TDRD9: variants seen among roughly 807,000 people sequenced by gnomAD.
The protein encoded by TDRD9 is tudor domain containing 9.
In TDRD9, 124 loss-of-function variants were observed where a neutral mutation model predicts 172.6. That is an observed-to-expected ratio of 0.72 (90% CI 0.62 to 0.83). TDRD9 has a LOEUF of 0.83. Among genes scored for constraint, TDRD9 ranks in the 40% least tolerant of loss-of-function variants. The pLI, the probability that TDRD9 is intolerant of heterozygous loss-of-function variation, is 0.00. For missense variants in TDRD9, 1,479 were observed against 1,714.1 expected (o/e 0.86, Z 2.42); for synonymous variants, 619 against 617.1 (o/e 1.00, Z -0.05).
intron 20 of TDRD9, among the ~76,000 whole-genome samples, chr14:104,010,388 G>A (rs4906402): frequency 0.38 from 57,238 of 151,816 alleles, 11,004 homozygotes; most frequent in African/African-American, 0.43. Flanking sequence ...TAGCCTAGGC[G>A]TACACAGAGT....
intron 1 of TDRD9, among the ~76,000 whole-genome samples, chr14:103,943,710 T>C (rs2031400539): frequency 6.6e-6 from 1 of 152,188 alleles, no homozygotes; most frequent in East Asian, 1.9e-4. Context: ...AAAAGGTCTT[T>C]TACTCCCCAG....
intron 30 of TDRD9, among the ~76,000 whole-genome samples, chr14:104,033,592 C>T (rs2035351762): frequency 6.6e-6 from 1 of 152,172 alleles, no homozygotes; most frequent in Non-Finnish European, 1.5e-5. Flanking sequence ...GTGGACCACA[C>T]TCAGTTCCCT....
At chr14:104,022,453 T>C (rs190519256) in intron 24 of TDRD9, 123 bp downstream of exon 24, 5 of 1,046,918 alleles carry the variant, frequency 4.8e-6, no homozygotes, top group Admixed American at 5.7e-5. Context: ...CTTGGCTGGG[T>C]GTGGGGGCTC....
chr14:104,002,149 A>G (rs1479417064), intron 13 of TDRD9, among the ~76,000 whole-genome samples: 3 of 151,228 alleles, frequency 2.0e-5, no homozygotes, highest in Admixed American at 6.6e-5. Flanking sequence ...GCAAAACCCT[A>G]TCTCTATAAA....
intron 8 of TDRD9, among the ~76,000 whole-genome samples, chr14:103,988,905 G>A (rs1012705124): frequency 2.0e-5 from 3 of 151,680 alleles, no homozygotes; most frequent in African/African-American, 7.3e-5. Context: ...AAGGAAGGAG[G>A]CAAAATATGT....
intron 12 of TDRD9, among the ~76,000 whole-genome samples, chr14:103,996,205 T>C (rs1364485461): frequency 6.6e-6 from 1 of 152,236 alleles, no homozygotes; most frequent in African/African-American, 2.4e-5. Flanking sequence ...CATCTCATCT[T>C]CCACATATGT....
In TDRD9 at chr14:103,970,555, A is replaced by T; in HGVS notation, c.780A>T (p.Thr260=). 1 of 1,551,686 alleles carries T rather than the reference A, an allele frequency of 6.4e-7. No individual in the cohort carries two copies. ...HIIIDEVHER[T]EEMDFLLLVV... is the part of the protein sequence containing the mutation. Reference sequence around the variant, plus strand: ...TTATTTTGTAGGTACACGAACGAACAGAAGAAATGGATTTCCTGCTATTGG... The same window carrying T: ...TTATTTTGTAGGTACACGAACGAACTGAAGAAATGGATTTCCTGCTATTGG... The change falls in exon 6 of 36, where the codon ACA becomes ACT. Residue 260 remains threonine (T), a synonymous_variant. Transcript: ENST00000409874.
intron 18 of TDRD9, 64 bp downstream of exon 18, chr14:104,006,909 C>A: frequency 7.3e-7 from 1 of 1,372,722 alleles, no homozygotes; most frequent in Non-Finnish European, 1.0e-6. Context: ...ATTTTCATAC[C>A]ACAAACATAT....
chr14:103,998,803 T>TC (rs1327574421), intron 13 of TDRD9, 75 bp downstream of exon 13: 1 of 792,666 alleles, frequency 1.3e-6, no homozygotes, highest in African/African-American at 1.7e-5. Flanking sequence ...TTTTTTTTTT[T>TC]TTTCTCTGAG....
chr14:104,034,923 G>C, intron 31 of TDRD9, 37 bp from the exon 32 acceptor site: 1 of 1,509,938 alleles, frequency 6.6e-7, no homozygotes, highest in South Asian at 1.2e-5. Context: ...AGCAGCGTGA[G>C]TTAATGCCCG....
intron 1 of TDRD9, among the ~76,000 whole-genome samples, chr14:103,939,069 C>G (rs1433282893): frequency 6.6e-6 from 1 of 151,984 alleles, no homozygotes; most frequent in East Asian, 1.9e-4. Flanking sequence ...CCTGAACTGT[C>G]CATAGCTGCT....
At chr14:104,051,174 T>C (rs2035926896) in intron 35 of TDRD9, among the ~76,000 whole-genome samples, 1 of 152,204 alleles carries the variant, frequency 6.6e-6, no homozygotes, top group Non-Finnish European at 1.5e-5. Context: ...CCATGAGTAC[T>C]CAATGTTTAG....
At chr14:104,019,694 A>G (rs1054630776) in intron 23 of TDRD9, among the ~76,000 whole-genome samples, 1 of 152,196 alleles carries the variant, frequency 6.6e-6, no homozygotes, top group Non-Finnish European at 1.5e-5. Context: ...AGACTCTGTG[A>G]GGTGCCAAGG....
At position 103,999,779 on chromosome 14, in the gene TDRD9, A is replaced by ATTTAATCT. The variant is rs144230010; in HGVS notation, c.1483+1053_1483+1060dup. On this transcript the variant is annotated intron_variant, in intron 13 of 35. Transcript: ENST00000409874. ...CATTCTTCTAAGTATTTATTAACTC[A>ATTTAATCT]TTTAATCTTCCTAACAACCCTGTGA... is the stretch of plus-strand genomic sequence containing the variant. Among the ~76,000 whole-genome samples, 634 of 102,638 alleles carry ATTTAATCT rather than the reference A, an allele frequency of 6.2e-3. 145 individuals carry two copies. The highest frequency in any genetic ancestry group is 7.1e-3 in the Admixed American group (76 of 10,652). The allele number at this position is 102,638 out of a possible 152,430, so 67.3% of individuals were successfully genotyped here. A position where few individuals can be genotyped will look rare whatever the true frequency, so the allele number is the denominator to read the frequency against.
At chr14:104,019,890 G>A (rs997247113) in intron 23 of TDRD9, among the ~76,000 whole-genome samples, 1 of 152,202 alleles carries the variant, frequency 6.6e-6, no homozygotes. Context: ...TATTAGAGCA[G>A]TAACATTAAT....
In TDRD9 at chr14:103,980,191, CAA is replaced by C. The variant is rs1187214966; in HGVS notation, c.1011+4640_1011+4641del. ...AGATTGTAGAAATAAAGACACAAGACAAAGAGATAAAAGAAAAGACAGCTGGG... is the reference window on the plus strand; with the variant it reads ...AGATTGTAGAAATAAAGACACAAGACAGAGATAAAAGAAAAGACAGCTGGG... On this transcript the variant is annotated intron_variant, in intron 7 of 35. Coordinates refer to ENST00000409874, the MANE Select transcript of TDRD9 (RefSeq NM_153046.3). This position sits in a 1 kb window ranked among gnomAD's most constrained non-coding sequence, Gnocchi z 4.5. 6.6e-6 allele frequency among the ~76,000 whole-genome samples: 1 copy of C among 152,116 alleles called. No individual in the cohort carries two copies. Among genetic ancestry groups the C allele is most frequent in the Non-Finnish European group, 1.5e-5 (1 of 68,012 alleles).
At chr14:103,995,993 G>C (rs912423046) in intron 12 of TDRD9, among the ~76,000 whole-genome samples, 186 bp downstream of exon 12, 2 of 152,194 alleles carry the variant, frequency 1.3e-5, no homozygotes, top group African/African-American at 4.8e-5. Context: ...TCCTCTGAGT[G>C]TACCTGTTTC....
intron 20 of TDRD9, among the ~76,000 whole-genome samples, chr14:104,011,263 C>T (rs1003965066): frequency 2.0e-5 from 3 of 152,208 alleles, no homozygotes; most frequent in South Asian, 2.1e-4. Context: ...AAACATTGCT[C>T]GGTTCTGATT....
At chr14:104,017,912 CTTAG>C (rs1823672746) in intron 22 of TDRD9, among the ~76,000 whole-genome samples, 176 bp from the exon 23 acceptor site, 1 of 152,144 alleles carries the variant, frequency 6.6e-6, no homozygotes, top group African/African-American at 2.4e-5. Flanking sequence ...TATTATAGAA[CTTAG>C]TTAGAATTTA....
Sources: allele counts gnomAD v4.1 joint callset (sites outside exome capture counted in the v4.1 genomes callset), GRCh38; gene constraint gnomAD v4.1.1; non-coding constraint Gnocchi (gnomAD v3.1); transcripts MANE v1.5; gene names NCBI Gene and HGNC (gene_info 2026-07-23, HGNC 2026-07-21).